The following MACROD2 variants were observed in gnomAD, a reference collection of about 807,000 sequenced individuals.
MACROD2 encodes the protein ADP-ribose glycohydrolase MACROD2.
Under a neutral mutation model 70.4 loss-of-function variants are expected in MACROD2, and 36 were observed. The ratio of observed to expected loss-of-function variants is 0.51; its 90% CI spans 0.39 to 0.68. The LOEUF is 0.68. MACROD2 is among the 30% of genes least tolerant of loss of function. MACROD2 has a pLI of 0.00. For missense variants in MACROD2, 496 were observed against 538.4 expected, an observed-to-expected ratio of 0.92 and a Z score of 0.78; for synonymous variants, 172 against 178.8, an observed-to-expected ratio of 0.96 and a Z score of 0.30.
At chr20:14,946,562 G>A (rs1385684194) in intron 5 of MACROD2, among the ~76,000 whole-genome samples, 4 of 151,872 alleles carry the variant, frequency 2.6e-5, no homozygotes, top group African/African-American at 7.3e-5. Flanking sequence ...AAATATGATA[G>A]CATATAATTT....
At chr20:14,584,822 A>G in intron 4 of MACROD2, among the ~76,000 whole-genome samples, 1 of 152,198 alleles carries the variant, frequency 6.6e-6, no homozygotes, top group East Asian at 1.9e-4. Context: ...AGTTGATGAG[A>G]AGTTAAACTA....
At chr20:15,321,768 G>A (rs1398687257) in intron 6 of MACROD2, among the ~76,000 whole-genome samples, 1 of 143,966 alleles carries the variant, frequency 6.9e-6, no homozygotes, top group Non-Finnish European at 1.6e-5. Flanking sequence ...TATGTGTGTG[G>A]TGATATTAAA....
At chr20:14,474,707 TTTATCA>T (rs1457233482) in intron 3 of MACROD2, among the ~76,000 whole-genome samples, 1 of 152,164 alleles carries the variant, frequency 6.6e-6, no homozygotes, top group Non-Finnish European at 1.5e-5. Context: ...TATAGACCCC[TTTATCA>T]TTATACAATA....
chr20:15,661,813 A>C (rs1600725923), intron 8 of MACROD2, among the ~76,000 whole-genome samples: 2 of 152,188 alleles, frequency 1.3e-5, no homozygotes, highest in Non-Finnish European at 2.9e-5. Context: ...ATTAAGGTGT[A>C]ATCACGTGCA....
At chr20:15,515,732 A>G (rs2047558019) in intron 8 of MACROD2, among the ~76,000 whole-genome samples, 1 of 152,238 alleles carries the variant, frequency 6.6e-6, no homozygotes, top group South Asian at 2.1e-4. Flanking sequence ...TGTCTCATAC[A>G]GATTAAGATT....
At chr20:14,276,249 T>C (rs1285548804) in intron 3 of MACROD2, among the ~76,000 whole-genome samples, 2 of 151,344 alleles carry the variant, frequency 1.3e-5, no homozygotes, top group African/African-American at 4.9e-5. Context: ...AATGATAGAC[T>C]GGATTAAGAA....
intron 5 of MACROD2, among the ~76,000 whole-genome samples, chr20:15,086,287 G>A (rs953176197): frequency 6.6e-6 from 1 of 152,130 alleles, no homozygotes; most frequent in Admixed American, 6.5e-5. Flanking sequence ...AAAATGATTT[G>A]TTATTGAATA....
chr20:14,680,270 T>G (rs1477658391), intron 4 of MACROD2, among the ~76,000 whole-genome samples: 1 of 152,140 alleles, frequency 6.6e-6, no homozygotes, highest in Non-Finnish European at 1.5e-5. Context: ...AGGAAGAAAA[T>G]GAAAGCTAGA....
chr20:14,077,305 A>C (rs1406771086), intron 2 of MACROD2, among the ~76,000 whole-genome samples: 2 of 152,180 alleles, frequency 1.3e-5, no homozygotes, highest in Non-Finnish European at 2.9e-5. Flanking sequence ...ACTAGATATA[A>C]TTGGGCCTGT....
At chr20:14,052,128 G>A (rs758327089) in intron 2 of MACROD2, 57 of 357,400 alleles carry the variant, frequency 1.6e-4, no homozygotes, top group Admixed American at 2.7e-4. Flanking sequence ...AGATGGGTGT[G>A]TTGGGGTAGA....
chr20:14,014,754 C>T (rs978574320), intron 2 of MACROD2, among the ~76,000 whole-genome samples: 2 of 151,978 alleles, frequency 1.3e-5, no homozygotes, highest in Non-Finnish European at 2.9e-5. Context: ...TAACCGAATA[C>T]ATCTGTTCTT....
intron 5 of MACROD2, among the ~76,000 whole-genome samples, chr20:14,824,111 A>G (rs148781808): frequency 3.9e-5 from 6 of 152,100 alleles, no homozygotes; most frequent in African/African-American, 1.4e-4. Flanking sequence ...TGGTAATCAT[A>G]TGTCTGGTGA....
At chr20:15,167,648 C>T (rs906545846) in intron 5 of MACROD2, among the ~76,000 whole-genome samples, 2 of 152,110 alleles carry the variant, frequency 1.3e-5, no homozygotes, top group Non-Finnish European at 2.9e-5. Flanking sequence ...AGAGCAGACC[C>T]TTTAGGCATG....
At chr20:14,379,848 T>C (rs558999487) in intron 3 of MACROD2, among the ~76,000 whole-genome samples, 5 of 152,280 alleles carry the variant, frequency 3.3e-5, no homozygotes, top group African/African-American at 1.2e-4. Context: ...ATTTTGTTTA[T>C]TTATTCATCT....
At chr20:14,087,582 C>T (rs1007762786) in intron 3 of MACROD2, among the ~76,000 whole-genome samples, 7 of 152,054 alleles carry the variant, frequency 4.6e-5, no homozygotes, top group African/African-American at 1.7e-4. Flanking sequence ...TTAATTGCCA[C>T]CCAATATGAC....
intron 5 of MACROD2, among the ~76,000 whole-genome samples, chr20:14,902,248 A>G (rs1221051695): frequency 6.6e-6 from 1 of 152,194 alleles, no homozygotes; most frequent in East Asian, 1.9e-4. Flanking sequence ...TTTACTTTTC[A>G]AAATTCGCGG....
intron 4 of MACROD2, among the ~76,000 whole-genome samples, chr20:14,667,910 C>CTT (rs1263594102): frequency 1.3e-5 from 2 of 152,122 alleles, no homozygotes; most frequent in Admixed American, 1.3e-4. Context: ...GATCCTAGCA[C>CTT]TTTGGAAGGC....
At chr20:15,065,539 A>G (rs434080) in intron 5 of MACROD2, among the ~76,000 whole-genome samples, 26,696 of 151,714 alleles carry the variant, frequency 0.18, 2,819 homozygotes, top group Non-Finnish European at 0.24. Context: ...CTGTAGTCCC[A>G]GCTACTCCGG....
chr20:15,248,340 G>A (rs1430011484), intron 6 of MACROD2, among the ~76,000 whole-genome samples: 1 of 152,062 alleles, frequency 6.6e-6, no homozygotes, highest in African/African-American at 2.4e-5. Context: ...CATTCCTTTA[G>A]GATGCTTGCC....
Sources: allele counts gnomAD v4.1 joint callset (sites outside exome capture counted in the v4.1 genomes callset), GRCh38; gene constraint gnomAD v4.1.1; transcripts MANE v1.5; gene names NCBI Gene and HGNC (gene_info 2026-07-23, HGNC 2026-07-21).